The following PTPRS variants were observed in gnomAD, a reference collection of about 807,000 sequenced individuals.
The protein encoded by PTPRS is receptor-type tyrosine-protein phosphatase S.
A neutral mutation model predicts 215.3 loss-of-function variants in PTPRS; 63 were observed. The observed-to-expected ratio is 0.29, with a 90% CI of 0.24 to 0.36. PTPRS has a LOEUF of 0.36. Ranked by LOEUF, PTPRS falls within the 10% of genes least tolerant of loss-of-function variation. The probability of loss-of-function intolerance (pLI) is 1.00; values close to 1 mark genes in which losing one functional copy is unlikely to be tolerated. For missense variants in PTPRS, 2,258 were observed against 2,825.8 expected (o/e 0.80, Z 4.56); for synonymous variants, 1,404 against 1,191.4 (o/e 1.18, Z -3.68).
In PTPRS at chr19:5,222,237, C is replaced by A. The variant is rs1322494390; in HGVS notation, c.3104-17G>T. On this transcript the variant is annotated splice_polypyrimidine_tract_variant and intron_variant, in intron 18 of 37. Coordinates refer to ENST00000262963, the MANE Select transcript of PTPRS (RefSeq NM_002850.4). ...TGGGCGAGACTGCCGGGGAGGCGGC[C>A]GAGCAGGGAGAGAGCAGAAGAGAGG... The A allele has an allele frequency of 6.2e-7, 1 of 1,603,932 alleles. No homozygotes were observed. The highest frequency in any genetic ancestry group is 1.3e-5 in the African/African-American group (1 of 74,730).
chr19:5,318,955 TC>T (rs2049953229), intron 1 of PTPRS, among the ~76,000 whole-genome samples: 1 of 152,148 alleles, frequency 6.6e-6, no homozygotes, highest in Admixed American at 6.5e-5. Context: ...AGACAGTGAG[TC>T]CCTGGAGGGC....
intron 11 of PTPRS, among the ~76,000 whole-genome samples, chr19:5,241,244 CAG>C (rs1328204230): frequency 1.3e-5 from 2 of 151,964 alleles, no homozygotes; most frequent in Non-Finnish European, 2.9e-5. Flanking sequence ...AATTAGATGA[CAG>C]AGAAATTAGC....
In PTPRS at chr19:5,286,151, G is replaced by T; in HGVS notation, c.-11C>A. On this transcript the variant is annotated 5_prime_UTR_variant, in exon 2 of 38. Coordinates refer to ENST00000262963, the MANE Select transcript of PTPRS (RefSeq NM_002850.4). ...CCAGGTGGGCGCCATGCTTGGCAGCGACCTCCGATCTCCGCCCTGGAGGGG... is the reference window on the plus strand; with the variant it reads ...CCAGGTGGGCGCCATGCTTGGCAGCTACCTCCGATCTCCGCCCTGGAGGGG... 1 of 1,613,118 alleles carries T rather than the reference G, an allele frequency of 6.2e-7. No individual in the cohort carries two copies. The highest frequency in any genetic ancestry group is 1.1e-5 in the South Asian group (1 of 90,956).
intron 35 of PTPRS, among the ~76,000 whole-genome samples, chr19:5,208,747 C>T (rs902255014): frequency 2.6e-5 from 4 of 152,078 alleles, no homozygotes; most frequent in Non-Finnish European, 4.4e-5. Context: ...ATGCTCCAAC[C>T]TCATCCTCAC....
chr19:5,215,362 C>G lies in PTPRS; in HGVS notation c.4245G>C (p.Val1415=). 1.2e-6 allele frequency: 2 copies of G among 1,614,076 alleles called. No individual in the cohort carries two copies. Among genetic ancestry groups the G allele is most frequent in the Non-Finnish European group, 1.7e-6 (2 of 1,180,008 alleles). The change falls in exon 28 of 38, where the codon GTG becomes GTC. Residue 1415 remains valine, a synonymous_variant. Coordinates refer to ENST00000262963, the MANE Select transcript of PTPRS (RefSeq NM_002850.4). ...QFTWEHSNLE[V]NKPKNRYANV... ...TGGCATAGCGGTTCTTCGGCTTGTTCACTTCCAGGTTGGAATGTTCCCATG... is the reference window on the plus strand; with the variant it reads ...TGGCATAGCGGTTCTTCGGCTTGTTGACTTCCAGGTTGGAATGTTCCCATG...
At chr19:5,246,077 G>C in intron 9 of PTPRS, 32 bp from the exon 10 acceptor site, 1 of 1,228,762 alleles carries the variant, frequency 8.1e-7, no homozygotes, top group Non-Finnish European at 1.1e-6. Flanking sequence ...CGGCGGGAGG[G>C]AGATGCGAGG....
Position 5,222,887 on chromosome 19 carries a change from C to G in PTPRS, c.2905G>C (p.Val969Leu). The change falls in exon 18 of 38, where the codon GTG (valine) becomes CTG (leucine). Residue 969 changes from valine to leucine, a missense_variant. Val to Leu is a conservative substitution (Grantham distance 32). Coordinates refer to ENST00000262963, the MANE Select transcript of PTPRS (RefSeq NM_002850.4). ...NGAIVKYTVA[V>L]REAGALGPAR... ...GGGCCCAGGGCACCGGCCTCCCGCA[C>G]GGCCACCGTGTATTTGACGATGGCC... The G allele has an allele frequency of 6.4e-7, 1 of 1,574,592 alleles. No individual in the cohort carries two copies. The highest frequency in any genetic ancestry group is 1.8e-5 in the Admixed American group (1 of 56,964).
rs869241608 is a variant in PTPRS, at chr19:5,289,409, CTG to C, written c.-94-3177_-94-3176del. Among the ~76,000 whole-genome samples the C allele has an allele frequency of 7.9e-5, 12 of 152,324 alleles. No individual in the cohort carries two copies. In the East Asian group the frequency reaches 2.3e-3, roughly 29 times the overall value. ...CCAGCTCCCGCCCTTGTCCCTTGATCTGTTCCACTCACAGAAACCAGAAAGCA... is the reference window on the plus strand; with the variant it reads ...CCAGCTCCCGCCCTTGTCCCTTGATCTTCCACTCACAGAAACCAGAAAGCA... On this transcript the variant is annotated intron_variant, in intron 1 of 37. Coordinates refer to ENST00000262963, the MANE Select transcript of PTPRS (RefSeq NM_002850.4).
At chr19:5,215,178 G>T in intron 28 of PTPRS, 111 bp downstream of exon 28, 1 of 1,437,082 alleles carries the variant, frequency 7.0e-7, no homozygotes, top group Non-Finnish European at 9.6e-7. Context: ...GTTGGAGCTG[G>T]ACCAGGTCTA....
rs2040324816 is a variant in PTPRS at position 5,205,851 on chromosome 19, TCTC to T, written c.*920_*922del. Among the ~76,000 whole-genome samples the T allele has an allele frequency of 6.6e-6, 1 of 151,802 alleles. No individual in the cohort carries two copies. Among genetic ancestry groups the T allele is most frequent in the African/African-American group, 2.4e-5 (1 of 41,314 alleles). On this transcript the variant is annotated 3_prime_UTR_variant, in exon 38 of 38. Transcript: ENST00000262963. ...CTCAGAGGAGGACCACTGTCATCTC[TCTC>T]CTCTTACAGCAGCGTCCCCCTCAAC...
At chr19:5,251,890 C>G (rs1362354687) in intron 9 of PTPRS, among the ~76,000 whole-genome samples, 1 of 152,100 alleles carries the variant, frequency 6.6e-6, no homozygotes. Flanking sequence ...AGGGAGCTGG[C>G]CAACACACCT....
chr19:5,325,880 G>A (rs12985391), intron 1 of PTPRS, among the ~76,000 whole-genome samples: 13,568 of 152,332 alleles, frequency 0.089, 756 homozygotes, highest in Non-Finnish European at 0.14. Flanking sequence ...GCCGAAGGCA[G>A]AAGGGGCTCA....
intron 1 of PTPRS, among the ~76,000 whole-genome samples, chr19:5,292,955 TG>T (rs555018887): frequency 6.6e-6 from 1 of 150,890 alleles, no homozygotes; most frequent in Non-Finnish European, 1.5e-5. Flanking sequence ...CGGGCCTGAA[TG>T]GGGGGGCGCC....
intron 7 of PTPRS, 66 bp downstream of exon 7, chr19:5,260,739 A>G (rs1599759972): frequency 6.3e-7 from 1 of 1,591,920 alleles, no homozygotes; most frequent in Non-Finnish European, 8.6e-7. Context: ...GGCCCTGTGG[A>G]GCCTGAGGGG....
intron 1 of PTPRS, among the ~76,000 whole-genome samples, chr19:5,300,381 G>A (rs1385283367): frequency 1.3e-5 from 2 of 152,146 alleles, no homozygotes; most frequent in Non-Finnish European, 2.9e-5. Context: ...ACTGCAGAAA[G>A]TTCTGTGGCC....
rs1475410453 is a variant in PTPRS, at chr19:5,244,904, G to A, written c.989-422C>T. Among the ~76,000 whole-genome samples the A allele has an allele frequency of 6.6e-6, 1 of 151,740 alleles. No homozygotes were observed. The highest frequency in any genetic ancestry group is 1.9e-4 in the East Asian group (1 of 5,148). On this transcript the variant is annotated intron_variant, in intron 10 of 37. Transcript: ENST00000262963. The surrounding 1 kb of genome is among the most constrained non-coding windows in gnomAD (Gnocchi z 7.2). ...AGGATGGTCTCGATCTCCTGACCTC[G>A]TGATCCGCCCGCCTCGGCCTCCCGA...
intron 25 of PTPRS, 89 bp downstream of exon 25, chr19:5,218,331 A>G: frequency 8.9e-7 from 1 of 1,118,754 alleles, no homozygotes; most frequent in Non-Finnish European, 1.3e-6. Context: ...AGAGGGGGCC[A>G]ATGAGGGGCC....
rs972311524 is a variant in PTPRS, at chr19:5,284,099, G to A, written c.91+1951C>T. Among the ~76,000 whole-genome samples the A allele has an allele frequency of 5.3e-5, 8 of 151,622 alleles. 1 individual carries two copies. The highest frequency in any genetic ancestry group is 3.9e-4 in the Admixed American group (6 of 15,218). On this transcript the variant is annotated intron_variant, in intron 2 of 37. Coordinates refer to ENST00000262963, the MANE Select transcript of PTPRS (RefSeq NM_002850.4). ...AGGCCAGCCGGGCTCAGTGGCTCAT[G>A]CCTGTAATCCCAGCACTTTGGGAGG... is the stretch of plus-strand genomic sequence containing the variant.
intron 9 of PTPRS, among the ~76,000 whole-genome samples, chr19:5,255,360 T>C (rs2146200683): frequency 6.6e-6 from 1 of 152,304 alleles, no homozygotes; most frequent in Admixed American, 6.5e-5. Context: ...TCTGCCCTCC[T>C]GGATGATAGC....
Sources: gnomAD v4.1 joint callset for allele counts (sites outside exome capture counted in the v4.1 genomes callset) on GRCh38, gnomAD v4.1.1 for gene constraint, Gnocchi (gnomAD v3.1) non-coding constraint, MANE v1.5 for transcripts, NCBI Gene and HGNC (gene_info 2026-07-23, HGNC 2026-07-21) for gene names.